SV2C: variants seen among roughly 807,000 people sequenced by gnomAD.
SV2C encodes the protein synaptic vesicle glycoprotein 2C, also known as solute carrier family 22 member B3.
SV2C carries 49 observed loss-of-function variants against 79.7 expected under a neutral mutation model. That is an observed-to-expected ratio of 0.61 (90% CI 0.49 to 0.78). The LOEUF (loss-of-function observed/expected upper bound fraction) is 0.78, where lower values mean the gene tolerates loss of function less well. Among genes scored for constraint, SV2C ranks in the 30% least tolerant of loss-of-function variants. The pLI is 0.00. For synonymous variants in SV2C, 334 were observed against 333.2 expected (o/e 1.00, Z -0.03); for missense variants, 833 against 912.9 (o/e 0.91, Z 1.13).
intron 1 of SV2C, among the ~76,000 whole-genome samples, chr5:76,101,505 A>G (rs1490743309): frequency 1.3e-5 from 2 of 152,132 alleles, no homozygotes; most frequent in Non-Finnish European, 2.9e-5. Context: ...TAGAACCTAG[A>G]AGACAAAGTG....
chr5:75,966,197 A>G, the SV2C span, among the ~76,000 whole-genome samples: 4 of 152,192 alleles, frequency 2.6e-5, no homozygotes, highest in African/African-American at 9.7e-5. Context: ...ATATGATCCA[A>G]TTTTAAGTTC....
the SV2C span, among the ~76,000 whole-genome samples, chr5:76,042,324 C>T: frequency 2.0e-5 from 3 of 152,230 alleles, no homozygotes; most frequent in African/African-American, 4.8e-5. Flanking sequence ...GTTACTCAAA[C>T]TTCCTAAGCT....
intron 2 of SV2C, among the ~76,000 whole-genome samples, chr5:76,138,972 A>C (rs1749160789): frequency 6.6e-6 from 1 of 152,104 alleles, no homozygotes; most frequent in African/African-American, 2.4e-5. Context: ...CAAAAAAATT[A>C]GTCGGGTGTG....
At chr5:76,130,124 C>G (rs1748833940) in intron 1 of SV2C, among the ~76,000 whole-genome samples, 1 of 125,218 alleles carries the variant, frequency 8.0e-6, no homozygotes, top group South Asian at 2.7e-4. Flanking sequence ...CTCTTCCTCC[C>G]TTTCTCTTCC....
chr5:76,124,872 C>T (rs903946979), intron 1 of SV2C, among the ~76,000 whole-genome samples: 23 of 152,098 alleles, frequency 1.5e-4, no homozygotes, highest in African/African-American at 3.6e-4. Context: ...GTTTTGTAAT[C>T]GGAAAGAAAG....
intron 1 of SV2C, among the ~76,000 whole-genome samples, chr5:76,084,590 T>C (rs906409032): frequency 7.9e-6 from 1 of 126,712 alleles, no homozygotes; most frequent in Non-Finnish European, 1.7e-5. Flanking sequence ...GGGGAGGGGC[T>C]GAGCCACGGG....
chr5:76,112,893 A>G (rs1275748378), intron 1 of SV2C, among the ~76,000 whole-genome samples: 1 of 152,226 alleles, frequency 6.6e-6, no homozygotes, highest in Non-Finnish European at 1.5e-5. Flanking sequence ...TAACAATGTC[A>G]GGGAGATAAG....
chr5:75,937,160 A>G, the SV2C span, among the ~76,000 whole-genome samples: 1 of 152,206 alleles, frequency 6.6e-6, no homozygotes, highest in Non-Finnish European at 1.5e-5. Flanking sequence ...AAATATTGTC[A>G]AACAGCTTAA....
chr5:76,007,934 T>C, the SV2C span, among the ~76,000 whole-genome samples: 1 of 152,176 alleles, frequency 6.6e-6, no homozygotes, highest in Admixed American at 6.6e-5. Flanking sequence ...CTGCTGTTCA[T>C]GGTAATGTGT....
chr5:76,248,168 G>A (rs1746003343), intron 4 of SV2C, among the ~76,000 whole-genome samples: 1 of 152,216 alleles, frequency 6.6e-6, no homozygotes, highest in Non-Finnish European at 1.5e-5. Flanking sequence ...CCCCTCAAAT[G>A]CATAGCACAC....
At chr5:75,879,659 A>G in the SV2C span, among the ~76,000 whole-genome samples, 1 of 152,322 alleles carries the variant, frequency 6.6e-6, no homozygotes. Flanking sequence ...GAGTGCCTGC[A>G]GCTTTTCTAG....
the SV2C span, among the ~76,000 whole-genome samples, chr5:75,973,939 A>G: frequency 6.6e-6 from 1 of 151,942 alleles, no homozygotes; most frequent in South Asian, 2.1e-4. Flanking sequence ...TTTAGAGAGA[A>G]TTTTTTTGTT....
intron 4 of SV2C, among the ~76,000 whole-genome samples, chr5:76,233,336 T>G (rs1243530528): frequency 7.2e-6 from 1 of 138,248 alleles, no homozygotes; most frequent in Non-Finnish European, 1.5e-5. Flanking sequence ...AAGGAGATTT[T>G]GGGCTGAGAC....
At chr5:76,341,804 G>A (rs1749447033) in intron 12 of SV2C, among the ~76,000 whole-genome samples, 1 of 152,116 alleles carries the variant, frequency 6.6e-6, no homozygotes, top group African/African-American at 2.4e-5. Flanking sequence ...TTCACTATGA[G>A]GATATTGGCA....
intron 12 of SV2C, among the ~76,000 whole-genome samples, chr5:76,349,625 G>C (rs1435642713): frequency 1.3e-5 from 2 of 151,828 alleles, no homozygotes; most frequent in East Asian, 3.9e-4. Context: ...GAAAGTTTTG[G>C]CTCTCCACAA....
At chr5:76,211,205 A>G (rs540849092) in intron 4 of SV2C, among the ~76,000 whole-genome samples, 82 of 152,112 alleles carry the variant, frequency 5.4e-4, no homozygotes, top group Non-Finnish European at 8.7e-4. Flanking sequence ...CTCCTGTTGT[A>G]TGGCCTGTTG....
At chr5:75,930,726 T>C in the SV2C span, among the ~76,000 whole-genome samples, 30,451 of 152,186 alleles carry the variant, frequency 0.2, 3,197 homozygotes, top group Middle Eastern at 0.31. Flanking sequence ...CTTTCAAAAA[T>C]TTGAAAATGT....
the SV2C span, among the ~76,000 whole-genome samples, chr5:76,048,038 TATTA>T: frequency 7.2e-5 from 11 of 152,182 alleles, no homozygotes; most frequent in Admixed American, 2.6e-4. Context: ...GTAATGCACA[TATTA>T]ATTAGTAAGA....
the SV2C span, among the ~76,000 whole-genome samples, chr5:75,955,808 C>T: frequency 6.6e-6 from 1 of 150,680 alleles, no homozygotes; most frequent in Non-Finnish European, 1.5e-5. Flanking sequence ...CTCACCATCA[C>T]TGGCCATCAG....
Sources: gnomAD v4.1 joint callset for allele counts (sites outside exome capture counted in the v4.1 genomes callset) on GRCh38, gnomAD v4.1.1 for gene constraint, MANE v1.5 for transcripts, NCBI Gene and HGNC (gene_info 2026-07-23, HGNC 2026-07-21) for gene names.